The following FHIT variants were observed in gnomAD, a reference collection of about 807,000 sequenced individuals.
FHIT encodes bis(5'-adenosyl)-triphosphatase.
Under a neutral mutation model 17.9 loss-of-function variants are expected in FHIT, and 19 were observed. That is an observed-to-expected ratio of 1.06 (90% CI 0.74 to 1.56). FHIT has a LOEUF of 1.56. FHIT is among the 40% of genes most tolerant of loss of function. FHIT has a pLI of 0.00. For synonymous variants in FHIT, 81 were observed against 69.7 expected, an observed-to-expected ratio of 1.16 and a Z score of -0.81; for missense variants, 248 against 189.2, an observed-to-expected ratio of 1.31 and a Z score of -1.82.
At chr3:60,682,755 T>C (rs1553697249) in intron 4 of FHIT, among the ~76,000 whole-genome samples, 2 of 152,222 alleles carry the variant, frequency 1.3e-5, no homozygotes, top group African/African-American at 2.4e-5. Context: ...ATTTTGACTT[T>C]CAAGTCTCAT....
intron 5 of FHIT, among the ~76,000 whole-genome samples, chr3:60,030,506 C>G (rs547760681): frequency 2.0e-5 from 3 of 152,288 alleles, no homozygotes; most frequent in African/African-American, 7.2e-5. Context: ...ATGAAGGTAT[C>G]CCTCCTTCCT....
chr3:60,533,899 T>C (rs1009856589), intron 5 of FHIT, among the ~76,000 whole-genome samples: 13 of 152,140 alleles, frequency 8.5e-5, no homozygotes, highest in South Asian at 2.1e-4. Flanking sequence ...GATAAAGTTA[T>C]AGGCTACATT....
At chr3:60,370,255 G>C (rs886104476) in intron 5 of FHIT, among the ~76,000 whole-genome samples, 2 of 152,120 alleles carry the variant, frequency 1.3e-5, no homozygotes, top group Non-Finnish European at 2.9e-5. Context: ...AATTCAGTTA[G>C]AACTTGAGGT....
intron 8 of FHIT, among the ~76,000 whole-genome samples, chr3:59,848,072 T>G (rs905596878): frequency 6.6e-6 from 1 of 152,112 alleles, no homozygotes; most frequent in South Asian, 2.1e-4. Context: ...CAATCAGTAA[T>G]CAGAATACAG....
At chr3:61,177,188 AAAG>A (rs2038186166) in intron 2 of FHIT, among the ~76,000 whole-genome samples, 1 of 47,150 alleles carries the variant, frequency 2.1e-5, no homozygotes, top group South Asian at 9.3e-4. Flanking sequence ...AAAAAAAAAA[AAAG>A]AAAAAGAAAG....
At chr3:61,129,217 C>G (rs2036696689) in intron 2 of FHIT, among the ~76,000 whole-genome samples, 1 of 152,130 alleles carries the variant, frequency 6.6e-6, no homozygotes, top group African/African-American at 2.4e-5. Flanking sequence ...CATGCCAGTC[C>G]CAATGTAAGA....
At chr3:60,139,809 C>A (rs1389356064) in intron 5 of FHIT, among the ~76,000 whole-genome samples, 1 of 122,184 alleles carries the variant, frequency 8.2e-6, no homozygotes, top group Non-Finnish European at 1.6e-5. Context: ...ACCTTAAGTA[C>A]CTTTCATTAT....
At chr3:60,694,307 A>G (rs1022234453) in intron 4 of FHIT, among the ~76,000 whole-genome samples, 6 of 152,108 alleles carry the variant, frequency 3.9e-5, no homozygotes, top group African/African-American at 1.2e-4. Context: ...AAAAAAAAAA[A>G]GAAAGGAAAG....
chr3:59,864,641 C>G (rs1339430702), intron 8 of FHIT, among the ~76,000 whole-genome samples: 1 of 151,596 alleles, frequency 6.6e-6, no homozygotes, highest in Non-Finnish European at 1.5e-5. Flanking sequence ...GGCAGGTTAA[C>G]ACGACTTGCA....
chr3:60,873,079 G>A lies in FHIT; in HGVS notation c.-110-51068C>T, dbSNP rs567111915. Among the ~76,000 whole-genome samples, 3 of 152,094 alleles carry A rather than the reference G, an allele frequency of 2.0e-5. No individual in the cohort carries two copies. The East Asian group carries it at 5.8e-4, about 29-fold the overall frequency. On this transcript the variant is annotated intron_variant, in intron 3 of 9. Transcript: ENST00000492590. ...TGTAGGGTAGCATGCCAACCAACTT[G>A]GGTTTTTTGTCTGTTTTTGTTTTTG...
At chr3:59,904,354 G>C (rs1704485220) in intron 8 of FHIT, among the ~76,000 whole-genome samples, 1 of 151,310 alleles carries the variant, frequency 6.6e-6, no homozygotes, top group African/African-American at 2.4e-5. Flanking sequence ...AGCGAGGGAA[G>C]GTGAAAAAGC....
chr3:61,210,618 T>A (rs917352234), intron 1 of FHIT, among the ~76,000 whole-genome samples: 1 of 152,226 alleles, frequency 6.6e-6, no homozygotes, highest in African/African-American at 2.4e-5. Context: ...GTGCGGTATA[T>A]AATCTCCTGG....
At chr3:61,008,479 A>G (rs1272603320) in intron 3 of FHIT, among the ~76,000 whole-genome samples, 1 of 152,076 alleles carries the variant, frequency 6.6e-6, no homozygotes, top group Non-Finnish European at 1.5e-5. Flanking sequence ...GGGGCTAGGA[A>G]GAAAAAAAAA....
intron 3 of FHIT, among the ~76,000 whole-genome samples, chr3:61,021,371 G>A (rs570282655): frequency 5.8e-4 from 87 of 150,980 alleles, no homozygotes; most frequent in African/African-American, 1.5e-3. Context: ...AGGCCGAGGC[G>A]GGCGGATCAC....
chr3:60,812,775 A>G (rs1168255494), intron 4 of FHIT, among the ~76,000 whole-genome samples: 1 of 152,140 alleles, frequency 6.6e-6, no homozygotes, highest in Non-Finnish European at 1.5e-5. Context: ...GTTTCCCCAG[A>G]GAAAAACGAT....
chr3:60,859,722 G>C (rs1260333127), intron 3 of FHIT, among the ~76,000 whole-genome samples: 1 of 84,088 alleles, frequency 1.2e-5, no homozygotes, highest in Non-Finnish European at 2.4e-5. Context: ...TTCTGAATAC[G>C]ATTTTTTTTT....
At chr3:60,152,053 A>G (rs528760626) in intron 5 of FHIT, among the ~76,000 whole-genome samples, 2 of 152,308 alleles carry the variant, frequency 1.3e-5, no homozygotes, top group African/African-American at 4.8e-5. Context: ...TAAATGAATC[A>G]ATCAATAAAT....
chr3:60,198,782 A>G (rs1355265024), intron 5 of FHIT, among the ~76,000 whole-genome samples: 1 of 152,130 alleles, frequency 6.6e-6, no homozygotes, highest in African/African-American at 2.4e-5. Flanking sequence ...CAAATTCTTC[A>G]TATTTGAATG....
chr3:61,036,944 C>T (rs1484041750), intron 3 of FHIT, among the ~76,000 whole-genome samples: 1 of 141,948 alleles, frequency 7.0e-6, no homozygotes, highest in Non-Finnish European at 1.5e-5. Context: ...TGGAGTCTCG[C>T]TCTTTCGCCT....
Sources: allele counts gnomAD v4.1 joint callset (sites outside exome capture counted in the v4.1 genomes callset), GRCh38; gene constraint gnomAD v4.1.1; transcripts MANE v1.5; gene names NCBI Gene and HGNC (gene_info 2026-07-23, HGNC 2026-07-21).